The following GLRX3 variants were observed in gnomAD, a reference collection of about 807,000 sequenced individuals.
GLRX3 encodes the protein glutaredoxin-3.
In GLRX3, 22 loss-of-function variants were observed where a neutral mutation model predicts 49.5. That is an observed-to-expected ratio of 0.44 (90% CI 0.32 to 0.63). GLRX3 has a LOEUF of 0.63. Among genes scored for constraint, GLRX3 ranks in the 30% least tolerant of loss-of-function variants. GLRX3 has a pLI of 0.05. For synonymous variants in GLRX3, 133 were observed against 140.0 expected (o/e 0.95, Z 0.35); for missense variants, 385 against 396.3 (o/e 0.97, Z 0.24).
intron 10 of GLRX3, among the ~76,000 whole-genome samples, chr10:130,177,382 C>G (rs896735934): frequency 1.3e-5 from 2 of 152,192 alleles, no homozygotes; most frequent in African/African-American, 4.8e-5. Flanking sequence ...TTTAGACTTT[C>G]CACCTGCCGG....
At chr10:130,173,178 C>G (rs1862847628) in intron 8 of GLRX3, among the ~76,000 whole-genome samples, 1 of 152,180 alleles carries the variant, frequency 6.6e-6, no homozygotes. Flanking sequence ...GTACCAGGTT[C>G]CTCAGGTGTC....
intron 4 of GLRX3, among the ~76,000 whole-genome samples, chr10:130,163,609 T>C (rs1051817077): frequency 6.6e-6 from 1 of 152,236 alleles, no homozygotes; most frequent in African/African-American, 2.4e-5. Context: ...ATATTTTCTG[T>C]TTCATGTCTT....
At chr10:130,175,568 T>C (rs933830056) in intron 10 of GLRX3, among the ~76,000 whole-genome samples, 3 of 152,208 alleles carry the variant, frequency 2.0e-5, no homozygotes, top group Non-Finnish European at 2.9e-5. Context: ...AAATCTGTTA[T>C]CTGTTAGATT....
intron 4 of GLRX3, among the ~76,000 whole-genome samples, chr10:130,166,109 C>T (rs1862679491): frequency 6.6e-6 from 1 of 152,206 alleles, no homozygotes; most frequent in Non-Finnish European, 1.5e-5. Context: ...AGCCTGTTGC[C>T]TCAGTTTCCC....
At chr10:130,143,335 A>G (rs1445786479) in intron 1 of GLRX3, among the ~76,000 whole-genome samples, 1 of 152,104 alleles carries the variant, frequency 6.6e-6, no homozygotes, top group Non-Finnish European at 1.5e-5. Context: ...TCTTTTTGCC[A>G]TGGAACATAT....
rs572705317 is a variant in GLRX3, at chr10:130,155,643, A to G, written c.202-4352A>G. ...GAGCAGGTTTAGTGAGAGGTGTTTG[A>G]TAGAGCTCTGAGTGCAGGTGTTGAG... On this transcript the variant is annotated intron_variant, in intron 2 of 10. Transcript: ENST00000331244. 6.6e-5 allele frequency among the ~76,000 whole-genome samples: 10 copies of G among 152,248 alleles called. 1 individual carries two copies. The East Asian group carries it at 1.9e-3, about 29-fold the overall frequency.
In GLRX3 at chr10:130,175,032, A is replaced by G. The variant is rs1477353590; in HGVS notation, c.900A>G (p.Pro300=). ...GATTAAAAGCTTACTCAAATTGGCC[A>G]ACATACCCTCAGCTGTATGTGAAAG... The part of the protein sequence containing the change: ...RQGLKAYSNW[P]TYPQLYVKGE... The change falls in exon 10 of 11, where the codon CCA becomes CCG. Residue 300 remains proline, a synonymous_variant. Coordinates refer to ENST00000331244, the MANE Select transcript of GLRX3 (RefSeq NM_006541.5). The G allele has an allele frequency of 6.2e-7, 1 of 1,610,568 alleles. No individual in the cohort carries two copies. Among genetic ancestry groups the G allele is most frequent in the South Asian group, 1.1e-5 (1 of 91,000 alleles).
At chr10:130,159,628 A>G (rs1330414020) in intron 2 of GLRX3, 6 of 185,820 alleles carry the variant, frequency 3.2e-5, no homozygotes, top group Non-Finnish European at 6.4e-5. Context: ...TGGGCAGAAA[A>G]TAAGCACTGT....
At chr10:130,138,650 C>T (rs1190837765) in intron 1 of GLRX3, among the ~76,000 whole-genome samples, 1 of 152,142 alleles carries the variant, frequency 6.6e-6, no homozygotes, top group Non-Finnish European at 1.5e-5. Context: ...TGGGCTCTGA[C>T]TCATCCAGTA....
intron 2 of GLRX3, among the ~76,000 whole-genome samples, chr10:130,158,776 TG>T (rs1862523900): frequency 6.6e-6 from 1 of 152,254 alleles, no homozygotes; most frequent in Non-Finnish European, 1.5e-5. Context: ...CTTATCTTTT[TG>T]TTCTTTTTTC....
intron 10 of GLRX3, among the ~76,000 whole-genome samples, chr10:130,177,285 C>T (rs1486843876): frequency 1.3e-5 from 2 of 152,160 alleles, no homozygotes; most frequent in East Asian, 3.9e-4. Context: ...TTGTTATTGC[C>T]TCTGAAGAGT....
At chr10:130,144,422 T>G (rs1862232984) in intron 1 of GLRX3, among the ~76,000 whole-genome samples, 1 of 152,016 alleles carries the variant, frequency 6.6e-6, no homozygotes. Flanking sequence ...AAGCCCTGCA[T>G]GCATTAGGTA....
intron 3 of GLRX3, among the ~76,000 whole-genome samples, chr10:130,160,567 T>C (rs916387017): frequency 1.3e-5 from 2 of 152,202 alleles, no homozygotes; most frequent in Non-Finnish European, 2.9e-5. Flanking sequence ...TTGTATTATG[T>C]TAGACTGACC....
chr10:130,154,748 G>A (rs34628455), intron 2 of GLRX3, among the ~76,000 whole-genome samples: 2 of 151,644 alleles, frequency 1.3e-5, no homozygotes, highest in Admixed American at 1.3e-4. Context: ...TTTAATATTC[G>A]GTCAAAATTT....
chr10:130,150,452 T>C (rs887872926), intron 2 of GLRX3, among the ~76,000 whole-genome samples: 1 of 152,176 alleles, frequency 6.6e-6, no homozygotes, highest in African/African-American at 2.4e-5. Context: ...TGAGATTTTA[T>C]ACTATTGTAT....
At chr10:130,166,376 A>G (rs1862687473) in intron 4 of GLRX3, 131 bp from the exon 5 acceptor site, 2 of 626,422 alleles carry the variant, frequency 3.2e-6, no homozygotes, top group African/African-American at 3.7e-5. Context: ...AGCCATGCTA[A>G]TTAAATCACC....
chr10:130,161,913 G>A (rs1173387426), intron 4 of GLRX3, among the ~76,000 whole-genome samples: 1 of 152,186 alleles, frequency 6.6e-6, no homozygotes, highest in Non-Finnish European at 1.5e-5. Flanking sequence ...ATTCTTCCCT[G>A]TAGGGTTATT....
intron 2 of GLRX3, 96 bp downstream of exon 2, chr10:130,145,415 C>A: frequency 3.2e-6 from 2 of 619,012 alleles, no homozygotes; most frequent in Non-Finnish European, 6.0e-6. Flanking sequence ...GTAATCCCAG[C>A]ACTTTGGGAG....
intron 8 of GLRX3, among the ~76,000 whole-genome samples, chr10:130,171,922 C>T (rs895922804): frequency 3.9e-5 from 6 of 152,144 alleles, no homozygotes; most frequent in Admixed American, 6.5e-5. Context: ...GCCGTGATTG[C>T]ACCACTGCAC....
Sources: gnomAD v4.1 joint callset for allele counts (sites outside exome capture counted in the v4.1 genomes callset) on GRCh38, gnomAD v4.1.1 for gene constraint, MANE v1.5 for transcripts, NCBI Gene and HGNC (gene_info 2026-07-23, HGNC 2026-07-21) for gene names.